C8orf34: variants seen among roughly 807,000 people sequenced by gnomAD.
The protein encoded by C8orf34 is uncharacterized protein C8orf34.
In C8orf34, 65 loss-of-function variants were observed where a neutral mutation model predicts 68.3. That is an observed-to-expected ratio of 0.95 (90% CI 0.78 to 1.17). The LOEUF (loss-of-function observed/expected upper bound fraction) is 1.17, where lower values mean the gene tolerates loss of function less well. C8orf34 is among the 50% of genes most tolerant of loss of function. C8orf34 has a pLI of 0.00. For missense variants in C8orf34, 664 were observed against 655.4 expected, an observed-to-expected ratio of 1.01 and a Z score of -0.14; for synonymous variants, 244 against 241.2, an observed-to-expected ratio of 1.01 and a Z score of -0.11.
chr8:68,414,312 C>G (rs1809569572), intron 1 of C8orf34, among the ~76,000 whole-genome samples: 1 of 152,024 alleles, frequency 6.6e-6, no homozygotes, highest in African/African-American at 2.4e-5. Flanking sequence ...ACCATGCCAG[C>G]CTTGTTTATT....
chr8:68,471,191 A>G (rs1250244320), intron 4 of C8orf34, among the ~76,000 whole-genome samples: 1 of 152,084 alleles, frequency 6.6e-6, no homozygotes, highest in Non-Finnish European at 1.5e-5. Context: ...TAATGGTTTT[A>G]AGGGACTCTA....
intron 10 of C8orf34, among the ~76,000 whole-genome samples, chr8:68,763,794 C>T (rs147030104): frequency 1.3e-5 from 2 of 152,230 alleles, no homozygotes; most frequent in African/African-American, 4.8e-5. Context: ...GATTCAGGTA[C>T]CAAGCCCTGC....
At chr8:68,492,297 A>G (rs1178136926) in intron 5 of C8orf34, among the ~76,000 whole-genome samples, 2 of 152,060 alleles carry the variant, frequency 1.3e-5, no homozygotes, top group Non-Finnish European at 2.9e-5. Flanking sequence ...TGCTGCGATC[A>G]TAGCTCACTG....
chr8:68,616,742 G>GGT (rs1818229050), intron 7 of C8orf34, among the ~76,000 whole-genome samples: 1 of 152,154 alleles, frequency 6.6e-6, no homozygotes, highest in African/African-American at 2.4e-5. Context: ...GGTGTGGTGT[G>GGT]GTGCTGAAAA....
chr8:68,755,305 C>G (rs777726408), intron 10 of C8orf34, among the ~76,000 whole-genome samples: 14 of 152,212 alleles, frequency 9.2e-5, no homozygotes, highest in Non-Finnish European at 1.8e-4. Context: ...AATTTTGAGT[C>G]TGCTCTAATT....
intron 7 of C8orf34, among the ~76,000 whole-genome samples, chr8:68,563,005 A>T (rs568908554): frequency 5.3e-5 from 8 of 152,156 alleles, no homozygotes; most frequent in African/African-American, 1.9e-4. Flanking sequence ...ATAATTTTTT[A>T]AAACACACAT....
chr8:68,462,665 A>G (rs1811898320), intron 3 of C8orf34, among the ~76,000 whole-genome samples: 1 of 152,062 alleles, frequency 6.6e-6, no homozygotes, highest in South Asian at 2.1e-4. Flanking sequence ...CTACATGGAA[A>G]CTGAACAACC....
chr8:68,415,345 C>T (rs1277262728), intron 1 of C8orf34, among the ~76,000 whole-genome samples: 19 of 151,858 alleles, frequency 1.3e-4, no homozygotes, highest in Admixed American at 4.6e-4. Context: ...CTGGGTGTGG[C>T]GGTACATGCC....
chr8:68,696,628 A>G (rs1018611846), intron 8 of C8orf34, among the ~76,000 whole-genome samples: 2 of 151,986 alleles, frequency 1.3e-5, no homozygotes, highest in African/African-American at 4.8e-5. Flanking sequence ...AGTGTGGTAC[A>G]TATTCTCTTC....
In C8orf34 at chr8:68,365,600, A is replaced by G. The variant is rs1170121833; in HGVS notation, c.327+34261A>G. ...TGCAAGGCTGGTTCAATATACGCAA[A>G]TCAATAAATGTAATCCAGCATATAA... is the stretch of plus-strand genomic sequence containing the variant. On this transcript the variant is annotated intron_variant, in intron 1 of 13. Transcript: ENST00000518698. 4.4e-5 allele frequency among the ~76,000 whole-genome samples: 3 copies of G among 68,144 alleles called. 1 individual carries two copies. Among genetic ancestry groups the G allele is most frequent in the Non-Finnish European group, 7.8e-5 (3 of 38,588 alleles). 44.7% of individuals were successfully genotyped at this position (68,144 alleles called of 152,430 possible).
In C8orf34 at chr8:68,336,783, C is replaced by A. The variant is rs760847097; in HGVS notation, c.327+5444C>A. On this transcript the variant is annotated intron_variant, in intron 1 of 13. Transcript: ENST00000518698. ...GAAATGGTTGATTCCAGGTTTGGGGCTAAGCAAGGTTTGGAGTATCATATG... is the reference window on the plus strand; with the variant it reads ...GAAATGGTTGATTCCAGGTTTGGGGATAAGCAAGGTTTGGAGTATCATATG... Among the ~76,000 whole-genome samples the A allele has an allele frequency of 2.1e-4, 32 of 152,038 alleles. 1 individual carries two copies. The highest frequency in any genetic ancestry group is 1.8e-3 in the Admixed American group (27 of 15,270).
intron 1 of C8orf34, among the ~76,000 whole-genome samples, chr8:68,405,268 G>T (rs1217186336): frequency 6.6e-6 from 1 of 152,092 alleles, no homozygotes; most frequent in Non-Finnish European, 1.5e-5. Flanking sequence ...GGAATTCTGG[G>T]CCTTTTAGGG....
At chr8:68,392,455 G>A (rs751655911) in intron 1 of C8orf34, among the ~76,000 whole-genome samples, 1 of 151,686 alleles carries the variant, frequency 6.6e-6, no homozygotes, top group South Asian at 2.1e-4. Flanking sequence ...TGTTACCCTT[G>A]AGTTGCACAT....
chr8:68,770,477 A>G (rs1441071003), intron 10 of C8orf34, among the ~76,000 whole-genome samples: 1 of 152,256 alleles, frequency 6.6e-6, no homozygotes, highest in Non-Finnish European at 1.5e-5. Context: ...CCAATAATGT[A>G]TGCTTTAGTC....
intron 10 of C8orf34, among the ~76,000 whole-genome samples, chr8:68,733,419 C>T (rs1334787392): frequency 6.6e-6 from 1 of 152,136 alleles, no homozygotes; most frequent in Non-Finnish European, 1.5e-5. Flanking sequence ...GGAGAGTTAG[C>T]CTCCATTAAC....
chr8:68,721,746 G>A (rs1821684091), intron 10 of C8orf34, among the ~76,000 whole-genome samples: 1 of 151,934 alleles, frequency 6.6e-6, no homozygotes, highest in Non-Finnish European at 1.5e-5. Flanking sequence ...AAGTTTATAT[G>A]TGACTTATGC....
At chr8:68,683,408 T>C (rs1200755638) in intron 8 of C8orf34, among the ~76,000 whole-genome samples, 1 of 151,694 alleles carries the variant, frequency 6.6e-6, no homozygotes, top group African/African-American at 2.4e-5. Context: ...AGATTTCATC[T>C]TGACCTAACG....
intron 1 of C8orf34, among the ~76,000 whole-genome samples, chr8:68,339,783 C>T (rs140186788): frequency 6.6e-6 from 1 of 151,600 alleles, no homozygotes; most frequent in East Asian, 1.9e-4. Flanking sequence ...GTAAAAAAAT[C>T]AATAAAATGG....
chr8:68,397,682 TGCAC>T (rs1367976141), intron 1 of C8orf34, among the ~76,000 whole-genome samples: 2 of 152,186 alleles, frequency 1.3e-5, no homozygotes, highest in Non-Finnish European at 2.9e-5. Context: ...TAGATTGGGA[TGCAC>T]ATTTTTACGT....
Sources: gnomAD v4.1 joint callset for allele counts (sites outside exome capture counted in the v4.1 genomes callset) on GRCh38, gnomAD v4.1.1 for gene constraint, MANE v1.5 for transcripts, NCBI Gene and HGNC (gene_info 2026-07-23, HGNC 2026-07-21) for gene names.